The following HCN1 variants were observed in gnomAD, a reference collection of about 807,000 sequenced individuals.
HCN1 encodes the protein potassium/sodium hyperpolarization-activated cyclic nucleotide-gated channel 1.
HCN1 carries 13 observed loss-of-function variants against 78.9 expected under a neutral mutation model. The observed-to-expected ratio is 0.16, with a 90% confidence interval of 0.11 to 0.26. The LOEUF is 0.26. Among genes scored for constraint, HCN1 ranks in the 10% least tolerant of loss-of-function variants. HCN1 has a pLI of 1.00. For missense variants in HCN1, 810 were observed against 1,154.3 expected, an observed-to-expected ratio of 0.70 and a Z score of 4.32; for synonymous variants, 552 against 455.5, an observed-to-expected ratio of 1.21 and a Z score of -2.70.
chr5:45,614,297 G>A (rs906977098), intron 2 of HCN1, among the ~76,000 whole-genome samples: 1 of 151,920 alleles, frequency 6.6e-6, no homozygotes, highest in African/African-American at 2.4e-5. Context: ...CTATTTATCC[G>A]TCTGTCTCCT....
chr5:45,644,562 A>G (rs1215152243), intron 2 of HCN1: 1 of 152,290 alleles, frequency 6.6e-6, no homozygotes, highest in Non-Finnish European at 1.5e-5. Flanking sequence ...TGTGTTTTCT[A>G]TGTACTAATG....
At position 45,550,537 on chromosome 5, in the gene HCN1, C is replaced by A. The variant is rs951471475; in HGVS notation, c.850-88530G>T. On this transcript the variant is annotated intron_variant, in intron 2 of 7. Coordinates refer to ENST00000303230, the MANE Select transcript of HCN1 (RefSeq NM_021072.4). ...GGGAGGGATAGCATTAGGAGATATA[C>A]CTAATGTAAATGACGAGTTAATGGG... 5.3e-5 allele frequency among the ~76,000 whole-genome samples: 8 copies of A among 151,968 alleles called. 1 individual carries two copies. The highest frequency in any genetic ancestry group is 1.5e-4 in the African/African-American group (6 of 41,362).
chr5:45,277,093 T>C (rs1481495203), intron 6 of HCN1, among the ~76,000 whole-genome samples: 1 of 152,066 alleles, frequency 6.6e-6, no homozygotes, highest in African/African-American at 2.4e-5. Flanking sequence ...AGGAAAAACT[T>C]CGTGTGCAAA....
intron 2 of HCN1, among the ~76,000 whole-genome samples, chr5:45,584,143 A>C (rs1210877106): frequency 6.6e-6 from 1 of 152,206 alleles, no homozygotes; most frequent in East Asian, 1.9e-4. Flanking sequence ...AAAGTCTCCC[A>C]TTATTATTGT....
At chr5:45,612,742 G>A (rs1320465362) in intron 2 of HCN1, among the ~76,000 whole-genome samples, 1 of 152,144 alleles carries the variant, frequency 6.6e-6, no homozygotes, top group Non-Finnish European at 1.5e-5. Flanking sequence ...GAAAAGTATA[G>A]TAGCCATTCT....
At chr5:45,305,642 T>A (rs2111908094) in intron 5 of HCN1, among the ~76,000 whole-genome samples, 1 of 148,160 alleles carries the variant, frequency 6.7e-6, no homozygotes, top group African/African-American at 2.5e-5. Flanking sequence ...TATGCATGCA[T>A]ATAAAGGAAG....
intron 5 of HCN1, among the ~76,000 whole-genome samples, chr5:45,328,879 G>T (rs1373754693): frequency 6.6e-6 from 1 of 151,610 alleles, no homozygotes; most frequent in Non-Finnish European, 1.5e-5. Context: ...ACTTTGCATA[G>T]ATGTGGAACA....
At chr5:45,469,206 A>G (rs1480006602) in intron 2 of HCN1, among the ~76,000 whole-genome samples, 1 of 151,900 alleles carries the variant, frequency 6.6e-6, no homozygotes, top group African/African-American at 2.4e-5. Flanking sequence ...CATGATGACC[A>G]TGTGACAGGT....
intron 1 of HCN1, among the ~76,000 whole-genome samples, chr5:45,692,944 C>T (rs1431068537): frequency 1.3e-5 from 2 of 152,144 alleles, no homozygotes; most frequent in Non-Finnish European, 2.9e-5. Context: ...TTTGTAATAA[C>T]TCCCCACTCT....
intron 2 of HCN1, among the ~76,000 whole-genome samples, chr5:45,548,863 G>C (rs1743291486): frequency 6.6e-6 from 1 of 151,616 alleles, no homozygotes; most frequent in South Asian, 2.1e-4. Flanking sequence ...CAGACAAACA[G>C]AGAGCCAAAT....
chr5:45,596,192 C>T (rs558088881), intron 2 of HCN1, among the ~76,000 whole-genome samples: 1 of 152,182 alleles, frequency 6.6e-6, no homozygotes, highest in South Asian at 2.1e-4. Flanking sequence ...GCCACCACGC[C>T]CAGCCCGGAC....
chr5:45,340,449 A>T (rs1746552685), intron 5 of HCN1, among the ~76,000 whole-genome samples: 2 of 152,002 alleles, frequency 1.3e-5, no homozygotes, highest in South Asian at 2.1e-4. Flanking sequence ...GCTTCAATTT[A>T]TCTTGTCTTT....
At chr5:45,684,686 C>G (rs930641591) in intron 1 of HCN1, among the ~76,000 whole-genome samples, 4 of 152,074 alleles carry the variant, frequency 2.6e-5, no homozygotes, top group Admixed American at 2.0e-4. Context: ...CATGGTAAAA[C>G]CCCATCTCTA....
chr5:45,411,326 TG>T (rs1353611445), intron 3 of HCN1, among the ~76,000 whole-genome samples: 1 of 152,010 alleles, frequency 6.6e-6, no homozygotes, highest in African/African-American at 2.4e-5. Context: ...TGCAACAATC[TG>T]TTTTATTTTC....
chr5:45,343,908 T>C (rs1579825508), intron 5 of HCN1, among the ~76,000 whole-genome samples: 2 of 152,178 alleles, frequency 1.3e-5, no homozygotes, highest in South Asian at 4.1e-4. Context: ...TGTGTTTTGT[T>C]AACAGCATAA....
At chr5:45,450,388 G>A (rs1485397161) in intron 3 of HCN1, among the ~76,000 whole-genome samples, 1 of 152,154 alleles carries the variant, frequency 6.6e-6, no homozygotes, top group Non-Finnish European at 1.5e-5. Flanking sequence ...GGAGACTGTG[G>A]TCTTAGTTCC....
intron 3 of HCN1, among the ~76,000 whole-genome samples, chr5:45,443,580 G>A (rs183955190): frequency 2.6e-5 from 4 of 152,182 alleles, no homozygotes; most frequent in African/African-American, 9.6e-5. Context: ...TTAGGAAAGT[G>A]TAGGCTTAAT....
At chr5:45,317,617 G>A (rs1746022622) in intron 5 of HCN1, among the ~76,000 whole-genome samples, 2 of 152,064 alleles carry the variant, frequency 1.3e-5, no homozygotes, top group Non-Finnish European at 2.9e-5. Context: ...TACCATCAGA[G>A]TGAACAGGCA....
rs968043438 is a variant in HCN1 at position 45,571,534 on chromosome 5, G to A, written c.849+73651C>T. ...TCATCAAAGAACCTGGATGCTTCAT[G>A]GGAATTTTGAGTTATGATATTAATT... On this transcript the variant is annotated intron_variant, in intron 2 of 7. Coordinates refer to ENST00000303230, the MANE Select transcript of HCN1 (RefSeq NM_021072.4). 9.2e-5 allele frequency among the ~76,000 whole-genome samples: 14 copies of A among 152,124 alleles called. 1 individual carries two copies. The highest frequency in any genetic ancestry group is 3.4e-4 in the African/African-American group (14 of 41,432).
Sources: allele counts gnomAD v4.1 joint callset (sites outside exome capture counted in the v4.1 genomes callset), GRCh38; gene constraint gnomAD v4.1.1; transcripts MANE v1.5; gene names NCBI Gene and HGNC (gene_info 2026-07-23, HGNC 2026-07-21).